CFAP77: variants seen among roughly 807,000 people sequenced by gnomAD.
CFAP77 encodes the protein cilia and flagella associated protein 77.
A neutral mutation model predicts 31.1 loss-of-function variants in CFAP77; 25 were observed. The observed-to-expected ratio is 0.80, with a 90% CI of 0.59 to 1.12. The LOEUF (loss-of-function observed/expected upper bound fraction) is 1.12. Ranked by LOEUF, CFAP77 falls within the 50% of genes most tolerant of loss-of-function variation. The probability of loss-of-function intolerance (pLI) is 0.00; values close to 1 mark genes in which losing one functional copy is unlikely to be tolerated. For missense variants in CFAP77, 377 were observed against 397.3 expected, an observed-to-expected ratio of 0.95 and a Z score of 0.44; for synonymous variants, 151 against 159.9, an observed-to-expected ratio of 0.94 and a Z score of 0.42.
chr9:132,468,549 T>C (rs1851195796), intron 1 of CFAP77, among the ~76,000 whole-genome samples: 1 of 152,164 alleles, frequency 6.6e-6, no homozygotes, highest in Admixed American at 6.5e-5. Context: ...TCAACTCAAA[T>C]GTCCCTCCCT....
At chr9:132,445,637 G>A (rs1850696078) in intron 1 of CFAP77, among the ~76,000 whole-genome samples, 1 of 152,092 alleles carries the variant, frequency 6.6e-6, no homozygotes, top group South Asian at 2.1e-4. Context: ...GGAGGCCGAG[G>A]CAGGCAGATC....
chr9:132,472,738 G>C (rs1162196700), intron 1 of CFAP77, among the ~76,000 whole-genome samples: 1 of 152,178 alleles, frequency 6.6e-6, no homozygotes, highest in Admixed American at 6.5e-5. Context: ...CTGCACTCCA[G>C]CCTGGGTGAC....
At chr9:132,522,279 T>C (rs1317871357) in intron 3 of CFAP77, among the ~76,000 whole-genome samples, 1 of 152,192 alleles carries the variant, frequency 6.6e-6, no homozygotes, top group East Asian at 1.9e-4. Flanking sequence ...TGAAAATTGA[T>C]TCAAATTCTC....
intron 5 of CFAP77, among the ~76,000 whole-genome samples, chr9:132,548,294 C>T (rs1852767016): frequency 6.6e-6 from 1 of 151,778 alleles, no homozygotes; most frequent in Admixed American, 6.6e-5. Flanking sequence ...GGGGGTGAAG[C>T]TGATTTTCCT....
In CFAP77 at chr9:132,572,847, G is replaced by A. The variant is rs773230000; in HGVS notation, c.*337G>A. 6.0e-6 allele frequency: 2 copies of A among 331,986 alleles called. No homozygotes were observed. The highest frequency in any genetic ancestry group is 1.1e-5 in the Non-Finnish European group (2 of 182,464). The allele number at this position is 331,986 out of a possible 1,614,324, so 20.6% of individuals were successfully genotyped here. A position where few individuals can be genotyped will look rare whatever the true frequency, so the allele number is the denominator to read the frequency against. ...ACAATTTTTTAGACTCCAGGCTAAG[G>A]GTCGATTCCATGGCTCTGCCCATTA... On this transcript the variant is annotated 3_prime_UTR_variant, in exon 6 of 6. Coordinates refer to ENST00000393216, the MANE Select transcript of CFAP77 (RefSeq NM_001282957.2).
At position 132,562,102 on chromosome 9, in the gene CFAP77, C is replaced by T. The variant is rs972094927; in HGVS notation, c.733-10286C>T. Among the ~76,000 whole-genome samples, 12 of 152,210 alleles carry T rather than the reference C, an allele frequency of 7.9e-5. No homozygotes were observed. In the South Asian group the frequency reaches 8.3e-4, roughly 11 times the overall value. ...CAACGTCACCCACCACTGGCGGCTA[C>T]GGTTCCTGTGGCAAAACTTTGTAAT... On this transcript the variant is annotated intron_variant, in intron 5 of 5. Transcript: ENST00000393216.
At chr9:132,442,330 C>A (rs1274959069) in intron 1 of CFAP77, among the ~76,000 whole-genome samples, 1 of 152,198 alleles carries the variant, frequency 6.6e-6, no homozygotes, top group African/African-American at 2.4e-5. Context: ...GCACACAAAT[C>A]ACTTGAGCAC....
chr9:132,508,811 A>G (rs953738158), intron 3 of CFAP77, among the ~76,000 whole-genome samples: 5 of 152,122 alleles, frequency 3.3e-5, no homozygotes, highest in African/African-American at 1.2e-4. Context: ...TATCATCCCT[A>G]TTCTACAGAT....
intron 1 of CFAP77, among the ~76,000 whole-genome samples, chr9:132,470,908 G>A (rs749347168): frequency 1.1e-4 from 16 of 152,308 alleles, no homozygotes; most frequent in Non-Finnish European, 2.1e-4. Flanking sequence ...AATCCAGGAG[G>A]TGGAGGTTGC....
rs957924507 is a variant in CFAP77, at chr9:132,498,594, G to A, written c.196-101G>A. 1 of 884,624 alleles carries A rather than the reference G, an allele frequency of 1.1e-6. No homozygotes were observed. The highest frequency in any genetic ancestry group is 1.8e-6 in the Non-Finnish European group (1 of 557,064). 54.8% of individuals were successfully genotyped at this position (884,624 alleles called of 1,614,324 possible). Reference sequence around the variant, plus strand: ...CACCCTGAAGGCCACGGCAGGGCCTGGGGGAAATGCAGGCATCTGGTGCCT... The same window carrying A: ...CACCCTGAAGGCCACGGCAGGGCCTAGGGGAAATGCAGGCATCTGGTGCCT... On this transcript the variant is annotated intron_variant, in intron 1 of 5. Coordinates refer to ENST00000393216, the MANE Select transcript of CFAP77 (RefSeq NM_001282957.2). This position sits in a 1 kb window ranked among gnomAD's most constrained non-coding sequence, Gnocchi z 4.2.
At chr9:132,449,477 G>A (rs1319328097) in intron 1 of CFAP77, among the ~76,000 whole-genome samples, 1 of 151,792 alleles carries the variant, frequency 6.6e-6, no homozygotes, top group Non-Finnish European at 1.5e-5. Context: ...TTAGCATAAG[G>A]CACCTGAGAT....
chr9:132,462,068 G>T (rs1851061037), intron 1 of CFAP77, among the ~76,000 whole-genome samples: 1 of 152,104 alleles, frequency 6.6e-6, no homozygotes, highest in Non-Finnish European at 1.5e-5. Context: ...GAAGAAAGAG[G>T]CCCAGAGAGG....
intron 5 of CFAP77, among the ~76,000 whole-genome samples, chr9:132,567,404 G>A (rs561907908): frequency 6.6e-5 from 10 of 152,314 alleles, no homozygotes; most frequent in South Asian, 4.1e-4. Flanking sequence ...CGGCGACTGC[G>A]AAAAAGAAAA....
chr9:132,494,989 C>G (rs1189088171), intron 1 of CFAP77, among the ~76,000 whole-genome samples: 1 of 152,234 alleles, frequency 6.6e-6, no homozygotes, highest in Non-Finnish European at 1.5e-5. Flanking sequence ...GGGCACTCTG[C>G]TTCCCACATC....
At chr9:132,550,387 G>A (rs530566297) in intron 5 of CFAP77, among the ~76,000 whole-genome samples, 1 of 152,306 alleles carries the variant, frequency 6.6e-6, no homozygotes, top group Admixed American at 6.5e-5. Flanking sequence ...ATGGAATTTG[G>A]GGGGTCCCCA....
Position 132,455,516 on chromosome 9 carries a change from CAAAA to C in CFAP77, c.196-43175_196-43172del, listed in dbSNP as rs1326787448. ...GAGCGAGACTCCTGAAAAAAAAAAA[CAAAA>C]AAACTTCGAGACCAGCCTGGGCAAC... On this transcript the variant is annotated intron_variant, in intron 1 of 5. Coordinates refer to ENST00000393216, the MANE Select transcript of CFAP77 (RefSeq NM_001282957.2). The surrounding 1 kb of genome is among the most constrained non-coding windows in gnomAD (Gnocchi z 4.1). Among the ~76,000 whole-genome samples the C allele has an allele frequency of 6.7e-6, 1 of 149,360 alleles. No homozygotes were observed. The highest frequency in any genetic ancestry group is 2.5e-5 in the African/African-American group (1 of 40,554).
Position 132,501,213 on chromosome 9 carries a change from GTC to G in CFAP77, c.524+1619_524+1620del, listed in dbSNP as rs1398566060. 6.6e-6 allele frequency among the ~76,000 whole-genome samples: 1 copy of G among 152,164 alleles called. No individual in the cohort carries two copies. Among genetic ancestry groups the G allele is most frequent in the Non-Finnish European group, 1.5e-5 (1 of 68,034 alleles). ...AGTCAGGCAACATCATCAGCATCAG[GTC>G]TCTCTGTTTCTTGGCTGTGCTTCCT... is the stretch of plus-strand genomic sequence containing the variant. On this transcript the variant is annotated intron_variant, in intron 3 of 5. Transcript: ENST00000393216. The surrounding 1 kb of genome is among the most constrained non-coding windows in gnomAD (Gnocchi z 4.6).
At chr9:132,518,140 G>A (rs1033346121) in intron 3 of CFAP77, among the ~76,000 whole-genome samples, 1 of 152,030 alleles carries the variant, frequency 6.6e-6, no homozygotes, top group African/African-American at 2.4e-5. Flanking sequence ...CCCAAAGCCC[G>A]GCTTTCCAAA....
intron 1 of CFAP77, among the ~76,000 whole-genome samples, chr9:132,484,616 G>A (rs1459443261): frequency 6.6e-6 from 1 of 152,158 alleles, no homozygotes. Flanking sequence ...GGATGTGCCA[G>A]GCTTGGCTTA....
Sources: gnomAD v4.1 joint callset for allele counts (sites outside exome capture counted in the v4.1 genomes callset) on GRCh38, gnomAD v4.1.1 for gene constraint, Gnocchi (gnomAD v3.1) non-coding constraint, MANE v1.5 for transcripts, NCBI Gene and HGNC (gene_info 2026-07-23, HGNC 2026-07-21) for gene names.